The following EIF2S1 variants were observed in gnomAD, a reference collection of about 807,000 sequenced individuals.
EIF2S1 encodes the protein eukaryotic translation initiation factor 2 subunit alpha.
In EIF2S1, 5 loss-of-function variants were observed where a neutral mutation model predicts 33.5. The observed-to-expected ratio is 0.15, with a 90% CI of 0.08 to 0.31. The LOEUF is 0.31. Among genes scored for constraint, EIF2S1 ranks in the 10% least tolerant of loss-of-function variants. EIF2S1 has a pLI of 1.00. For missense variants in EIF2S1, 191 were observed against 384.6 expected, an observed-to-expected ratio of 0.50 and a Z score of 4.21; for synonymous variants, 99 against 127.5, an observed-to-expected ratio of 0.78 and a Z score of 1.51.
chr14:67,379,213 T>A (rs200875851), intron 4 of EIF2S1, among the ~76,000 whole-genome samples: 1 of 152,244 alleles, frequency 6.6e-6, no homozygotes, highest in Admixed American at 6.5e-5. Flanking sequence ...GAGTTTCTAA[T>A]ATATATGCCT....
chr14:67,375,368 G>A (rs1396289831), intron 3 of EIF2S1, among the ~76,000 whole-genome samples: 2 of 151,464 alleles, frequency 1.3e-5, no homozygotes, highest in South Asian at 2.1e-4. Context: ...CGATCCTCTC[G>A]CCTCTGCCTC....
chr14:67,372,837 A>C (rs749995427), intron 2 of EIF2S1, among the ~76,000 whole-genome samples: 2 of 151,788 alleles, frequency 1.3e-5, no homozygotes, highest in Non-Finnish European at 1.5e-5. Context: ...AAAAAAAAAA[A>C]CAAAAAACAA....
intron 2 of EIF2S1, among the ~76,000 whole-genome samples, chr14:67,374,258 A>G (rs1056109402): frequency 2.0e-5 from 3 of 152,216 alleles, no homozygotes; most frequent in East Asian, 3.8e-4. Flanking sequence ...AAATATTCCA[A>G]AATCTGAAAT....
intron 2 of EIF2S1, among the ~76,000 whole-genome samples, chr14:67,368,054 A>T (rs2085792172): frequency 6.6e-6 from 1 of 152,124 alleles, no homozygotes; most frequent in South Asian, 2.1e-4. Flanking sequence ...GAAAACTTTT[A>T]CTACTTATAT....
At chr14:67,368,162 A>G (rs2085793184) in intron 2 of EIF2S1, among the ~76,000 whole-genome samples, 1 of 152,202 alleles carries the variant, frequency 6.6e-6, no homozygotes, top group African/African-American at 2.4e-5. Flanking sequence ...AAAGTAGGTC[A>G]GAGCTTTTGT....
chr14:67,382,184 G>T (rs1343718584), intron 6 of EIF2S1, among the ~76,000 whole-genome samples: 2 of 151,890 alleles, frequency 1.3e-5, no homozygotes, highest in South Asian at 2.1e-4. Flanking sequence ...ACACGGAAAT[G>T]ATAATTCTTT....
At chr14:67,361,702 GTTGA>G (rs894998124) in intron 1 of EIF2S1, among the ~76,000 whole-genome samples, 6 of 152,284 alleles carry the variant, frequency 3.9e-5, no homozygotes, top group Admixed American at 2.0e-4. Flanking sequence ...CTGGAGTTTG[GTTGA>G]TATATTTTGA....
At chr14:67,374,785 A>G (rs1167018840) in intron 3 of EIF2S1, 3 of 337,650 alleles carry the variant, frequency 8.9e-6, no homozygotes, top group East Asian at 9.3e-5. Context: ...GTTTGTTTAA[A>G]TAGAAATGAG....
In EIF2S1 at chr14:67,362,032, C is replaced by CT. The variant is rs1233736237; in HGVS notation, c.-2+1587dup. 3.3e-3 allele frequency among the ~76,000 whole-genome samples: 301 copies of CT among 91,352 alleles called. 1 individual carries two copies. Among genetic ancestry groups the CT allele is most frequent in the East Asian group, 8.5e-3 (26 of 3,052 alleles). The allele number at this position is 91,352 out of a possible 152,430, so 59.9% of individuals were successfully genotyped here. On this transcript the variant is annotated intron_variant, in intron 1 of 7. Coordinates refer to ENST00000256383, the MANE Select transcript of EIF2S1 (RefSeq NM_004094.5). ...TTTTTTTTTTTCTTTTTTCTTTTTT[C>CT]TTTTTTTTTTTGAGACAGAGTCTCT...
chr14:67,361,994 TAGGTA>T (rs1476333223), intron 1 of EIF2S1, among the ~76,000 whole-genome samples: 1 of 151,918 alleles, frequency 6.6e-6, no homozygotes, highest in Non-Finnish European at 1.5e-5. Context: ...CTTAATTACT[TAGGTA>T]AGAGTCTTTT....
In EIF2S1 at chr14:67,376,455, G is replaced by A. The variant is rs775368674; in HGVS notation, c.338G>A (p.Arg113His). The A allele has an allele frequency of 3.7e-6, 6 of 1,608,506 alleles. No individual in the cohort carries two copies. The highest frequency in any genetic ancestry group is 4.5e-5 in the East Asian group (2 of 44,778). The change falls in exon 4 of 8, where the codon CGT becomes CAT. Residue 113 changes from arginine (R) to histidine (H), a missense_variant. By Grantham distance (29) the Arg-to-His change is conservative. Coordinates refer to ENST00000256383, the MANE Select transcript of EIF2S1 (RefSeq NM_004094.5). ...TATTTCTAGGTTTATAGCATTCTTC[G>A]TCATGTTGCTGAGGTGTTAGAATAC... The part of the protein sequence containing the change: ...TKSKTVYSIL[R>H]HVAEVLEYTK...
chr14:67,381,901 G>A (rs1247395040), intron 6 of EIF2S1, among the ~76,000 whole-genome samples: 1 of 152,080 alleles, frequency 6.6e-6, no homozygotes, highest in Non-Finnish European at 1.5e-5. Context: ...TATCACAGTG[G>A]ATGGAGATTC....
intron 1 of EIF2S1, 93 bp from the exon 2 acceptor site, chr14:67,364,674 A>T: frequency 5.4e-6 from 7 of 1,290,696 alleles, no homozygotes; most frequent in Middle Eastern, 2.0e-4. Flanking sequence ...TTTTTTCTTC[A>T]TCTTTTCTTT....
intron 7 of EIF2S1, 46 bp downstream of exon 7, chr14:67,382,636 A>C: frequency 6.2e-7 from 1 of 1,607,766 alleles, no homozygotes; most frequent in South Asian, 1.1e-5. Flanking sequence ...GGAGGTTCCT[A>C]AAAGGAGTTC....
chr14:67,379,654 C>CTT lies in EIF2S1; in HGVS notation c.474-988_474-987dup, dbSNP rs541791101. 1.1e-3 allele frequency among the ~76,000 whole-genome samples: 133 copies of CTT among 119,936 alleles called. 2 individuals carry two copies. In the Middle Eastern group the frequency reaches 0.013, roughly 11 times the overall value. The allele number at this position is 119,936 out of a possible 152,430, so 78.7% of individuals were successfully genotyped here. A position where few individuals can be genotyped will look rare whatever the true frequency, so the allele number is the denominator to read the frequency against. On this transcript the variant is annotated intron_variant, in intron 4 of 7. Coordinates refer to ENST00000256383, the MANE Select transcript of EIF2S1 (RefSeq NM_004094.5). ...GACATAACTTTCTTTTTTTCTTTTT[C>CTT]TTTTTTTTTTTTTTTTTTGAGACGG... is the stretch of plus-strand genomic sequence containing the variant.
At chr14:67,383,097 T>C (rs1472513735) in intron 7 of EIF2S1, among the ~76,000 whole-genome samples, 7 of 152,326 alleles carry the variant, frequency 4.6e-5, no homozygotes, top group Admixed American at 3.3e-4. Context: ...TAATTTTCCA[T>C]TTTAATACAT....
rs746031002 is a variant in EIF2S1 at position 67,376,433 on chromosome 14, T to G, written c.322-6T>G. The G allele has an allele frequency of 1.3e-6, 2 of 1,581,236 alleles. No homozygotes were observed. The highest frequency in any genetic ancestry group is 2.3e-5 in the South Asian group (2 of 85,634). ...TGAATTGTTGAGCTTTTCATTTTAT[T>G]TCTAGGTTTATAGCATTCTTCGTCA... On this transcript the variant is annotated splice_polypyrimidine_tract_variant and splice_region_variant and intron_variant, in intron 3 of 7. Transcript: ENST00000256383.
chr14:67,366,265 G>C (rs1333334991), intron 2 of EIF2S1, among the ~76,000 whole-genome samples: 1 of 152,058 alleles, frequency 6.6e-6, no homozygotes, highest in Admixed American at 6.6e-5. Context: ...TGTAGAGATG[G>C]GGTCTTGCTG....
chr14:67,383,425 C>A lies in EIF2S1; in HGVS notation c.933C>A (p.Ala311=). The A allele has an allele frequency of 6.2e-7, 1 of 1,613,306 alleles. No homozygotes were observed. Among genetic ancestry groups the A allele is most frequent in the East Asian group, 2.2e-5 (1 of 44,852 alleles). ...ATGATGATGCAGAAGAAATGGAAGC[C>A]AAAGCTGAAGATTAACTTTGTGGGA... ...DGDDDAEEME[A]KAED is the part of the protein sequence containing the mutation. The change falls in exon 8 of 8, where the codon GCC becomes GCA. Residue 311 remains alanine, a synonymous_variant. Coordinates refer to ENST00000256383, the MANE Select transcript of EIF2S1 (RefSeq NM_004094.5).
Sources: gnomAD v4.1 joint callset for allele counts (sites outside exome capture counted in the v4.1 genomes callset) on GRCh38, gnomAD v4.1.1 for gene constraint, MANE v1.5 for transcripts, NCBI Gene and HGNC (gene_info 2026-07-23, HGNC 2026-07-21) for gene names.